Variants in KIAA1217 observed in about 807,000 individuals in gnomAD.
The protein encoded by KIAA1217 is sickle tail protein homolog.
A neutral mutation model predicts 163.9 loss-of-function variants in KIAA1217; 88 were observed. The observed-to-expected ratio is 0.54, with a 90% CI of 0.45 to 0.64. The LOEUF (loss-of-function observed/expected upper bound fraction) is 0.64. Among genes scored for constraint, KIAA1217 ranks in the 30% least tolerant of loss-of-function variants. The probability of loss-of-function intolerance (pLI) is 0.00; values close to 1 mark genes in which losing one functional copy is unlikely to be tolerated. For missense variants in KIAA1217, 2,372 were observed against 2,475.0 expected (o/e 0.96, Z 0.88); for synonymous variants, 903 against 923.1 (o/e 0.98, Z 0.39).
At chr10:23,901,108 G>T (rs1841936380) in intron 1 of KIAA1217, among the ~76,000 whole-genome samples, 1 of 151,970 alleles carries the variant, frequency 6.6e-6, no homozygotes, top group African/African-American at 2.4e-5. Context: ...CTTACTTCAT[G>T]TCAGACATAA....
chr10:23,933,393 C>T (rs924644740), intron 1 of KIAA1217, among the ~76,000 whole-genome samples: 2 of 152,216 alleles, frequency 1.3e-5, no homozygotes, highest in Admixed American at 1.3e-4. Flanking sequence ...TGACCAGTCA[C>T]TGCTCCTAGA....
intron 2 of KIAA1217, among the ~76,000 whole-genome samples, chr10:24,248,870 G>C (rs1032043052): frequency 2.6e-5 from 4 of 152,144 alleles, no homozygotes; most frequent in African/African-American, 9.7e-5. Context: ...AAGACTGTGA[G>C]AGCTTTTTCT....
In KIAA1217 at chr10:23,855,111, G is replaced by A. The variant is rs553860427; in HGVS notation, c.-320-152114G>A. 2.5e-4 allele frequency among the ~76,000 whole-genome samples: 38 copies of A among 152,264 alleles called. No individual in the cohort carries two copies. The East Asian group carries it at 4.6e-3, about 19-fold the overall frequency. ...GTTGATGCAGTTTCTTCCTAGCCTC[G>A]ATGGTCTTTACAATTTGGCATGATT... On this transcript the variant is annotated intron_variant, in intron 1 of 18. Coordinates refer to the KIAA1217 transcript ENST00000376462.
intron 2 of KIAA1217, among the ~76,000 whole-genome samples, chr10:24,276,920 T>TC (rs2077364763): frequency 2.3e-5 from 3 of 133,318 alleles, no homozygotes; most frequent in Non-Finnish European, 3.4e-5. Context: ...GTCCAGCTAA[T>TC]TAAAAAAAAA....
At chr10:24,341,492 T>G (rs1250424228) in intron 2 of KIAA1217, among the ~76,000 whole-genome samples, 1 of 152,258 alleles carries the variant, frequency 6.6e-6, no homozygotes, top group Non-Finnish European at 1.5e-5. Context: ...GACTTGATGT[T>G]CATTTCATTA....
chr10:24,115,264 T>C (rs999824509), intron 2 of KIAA1217, among the ~76,000 whole-genome samples: 6 of 152,182 alleles, frequency 3.9e-5, no homozygotes, highest in African/African-American at 1.4e-4. Context: ...TACTGACAGA[T>C]TGGTACATTT....
At chr10:24,463,034 T>C (rs937322583) in intron 5 of KIAA1217, among the ~76,000 whole-genome samples, 1 of 152,206 alleles carries the variant, frequency 6.6e-6, no homozygotes, top group Non-Finnish European at 1.5e-5. Flanking sequence ...GTACCATCTG[T>C]TGCAAGTGGC....
At chr10:23,854,477 A>G (rs981337247) in intron 1 of KIAA1217, among the ~76,000 whole-genome samples, 220 of 152,202 alleles carry the variant, frequency 1.4e-3, no homozygotes, top group Admixed American at 2.4e-3. Flanking sequence ...GTGCTGAAAA[A>G]AATGTATATT....
chr10:24,453,000 G>T (rs1235261893), intron 5 of KIAA1217, among the ~76,000 whole-genome samples: 1 of 152,176 alleles, frequency 6.6e-6, no homozygotes, highest in African/African-American at 2.4e-5. Flanking sequence ...TTTTGAAATA[G>T]AAAGAAGGTC....
chr10:24,488,302 G>A (rs1171157444), intron 6 of KIAA1217, among the ~76,000 whole-genome samples: 1 of 152,148 alleles, frequency 6.6e-6, no homozygotes, highest in Non-Finnish European at 1.5e-5. Flanking sequence ...GGAGCACCAG[G>A]GATGGGAGGG....
chr10:24,417,894 G>A (rs1475047925), intron 3 of KIAA1217, among the ~76,000 whole-genome samples: 2 of 149,486 alleles, frequency 1.3e-5, no homozygotes, highest in African/African-American at 5.0e-5. Flanking sequence ...TAACTTAAGT[G>A]GAATAAAAGT....
intron 2 of KIAA1217, among the ~76,000 whole-genome samples, chr10:24,352,435 G>T (rs1341765793): frequency 1.3e-5 from 2 of 152,170 alleles, no homozygotes; most frequent in African/African-American, 4.8e-5. Context: ...TCTCATAAAT[G>T]GGCTTGCTGA....
intron 2 of KIAA1217, among the ~76,000 whole-genome samples, chr10:24,289,068 G>A (rs1035341156): frequency 5.9e-5 from 9 of 152,128 alleles, no homozygotes; most frequent in African/African-American, 2.2e-4. Flanking sequence ...TTCTCTACTG[G>A]CTCTTAACCT....
intron 5 of KIAA1217, among the ~76,000 whole-genome samples, chr10:24,467,018 A>G (rs1321583001): frequency 6.6e-6 from 1 of 151,994 alleles, no homozygotes; most frequent in East Asian, 1.9e-4. Flanking sequence ...GTTTCCCAAG[A>G]TGATTTTAAA....
At chr10:24,146,303 T>A (rs1490555207) in intron 2 of KIAA1217, among the ~76,000 whole-genome samples, 1 of 152,216 alleles carries the variant, frequency 6.6e-6, no homozygotes, top group Non-Finnish European at 1.5e-5. Context: ...TTCTAAGTTT[T>A]TAAGTTATAT....
intron 1 of KIAA1217, among the ~76,000 whole-genome samples, chr10:23,700,618 A>G (rs1414003757): frequency 6.6e-6 from 1 of 152,094 alleles, no homozygotes; most frequent in Non-Finnish European, 1.5e-5. Context: ...CCACATTGCC[A>G]TCTTCCTGTT....
At chr10:23,935,226 G>A (rs1321431882) in intron 1 of KIAA1217, among the ~76,000 whole-genome samples, 1 of 152,204 alleles carries the variant, frequency 6.6e-6, no homozygotes, top group Non-Finnish European at 1.5e-5. Context: ...TCCGAAAGCT[G>A]AGAAAGGCAA....
At chr10:24,323,863 T>C (rs191036871) in intron 2 of KIAA1217, among the ~76,000 whole-genome samples, 5 of 151,930 alleles carry the variant, frequency 3.3e-5, no homozygotes, top group African/African-American at 1.2e-4. Context: ...TTTTTTCGTA[T>C]TTCTTCTTAG....
At chr10:23,987,806 T>C (rs1589192587) in intron 1 of KIAA1217, among the ~76,000 whole-genome samples, 1 of 152,312 alleles carries the variant, frequency 6.6e-6, no homozygotes, top group Middle Eastern at 3.4e-3. Flanking sequence ...TCTCATCTTA[T>C]TGTTTTTTAA....
Sources: allele counts gnomAD v4.1 joint callset (sites outside exome capture counted in the v4.1 genomes callset), GRCh38; gene constraint gnomAD v4.1.1; transcripts MANE v1.5; gene names NCBI Gene and HGNC (gene_info 2026-07-23, HGNC 2026-07-21).